Variants in RAPGEF4 observed in about 807,000 individuals in gnomAD.
RAPGEF4 encodes Rap guanine nucleotide exchange factor 4.
RAPGEF4 carries 66 observed loss-of-function variants against 147.9 expected under a neutral mutation model. The ratio of observed to expected loss-of-function variants is 0.45; its 90% confidence interval spans 0.37 to 0.55. The LOEUF (loss-of-function observed/expected upper bound fraction) is 0.55. Ranked by LOEUF, RAPGEF4 falls within the 20% of genes least tolerant of loss-of-function variation. RAPGEF4 has a pLI of 0.00. For missense variants in RAPGEF4, 1,071 were observed against 1,257.3 expected, an observed-to-expected ratio of 0.85 and a Z score of 2.24; for synonymous variants, 419 against 442.7, an observed-to-expected ratio of 0.95 and a Z score of 0.67.
intron 6 of RAPGEF4, among the ~76,000 whole-genome samples, chr2:172,933,591 A>C (rs982466167): frequency 6.6e-6 from 1 of 152,246 alleles, no homozygotes; most frequent in Admixed American, 6.5e-5. Flanking sequence ...TGCACTGAGT[A>C]GGACATGCCC....
intron 14 of RAPGEF4, among the ~76,000 whole-genome samples, chr2:172,989,749 G>C (rs1268257300): frequency 6.6e-6 from 1 of 152,080 alleles, no homozygotes; most frequent in African/African-American, 2.4e-5. Context: ...TTCTTTCTAG[G>C]GTCACACTGC....
At chr2:172,944,903 A>G (rs1033179966) in intron 6 of RAPGEF4, among the ~76,000 whole-genome samples, 9 of 152,114 alleles carry the variant, frequency 5.9e-5, no homozygotes, top group African/African-American at 2.2e-4. Flanking sequence ...TGAATAAAAA[A>G]ACTGTGACCT....
chr2:172,995,268 T>C (rs1693225812), intron 15 of RAPGEF4, among the ~76,000 whole-genome samples: 1 of 151,522 alleles, frequency 6.6e-6, no homozygotes, highest in South Asian at 2.1e-4. Context: ...TGTGTGTGTG[T>C]GTGTGTGTGT....
Position 172,864,008 on chromosome 2 carries a change from A to G in RAPGEF4, c.444+49583A>G, listed in dbSNP as rs143671858. 8.5e-5 allele frequency among the ~76,000 whole-genome samples: 13 copies of G among 152,358 alleles called. No homozygotes were observed. In the East Asian group the frequency reaches 2.5e-3, roughly 29 times the overall value. ...GAAAATATTTTGAATGCTAGTGTTC[A>G]GGGTTAACTACAAGATGATATGTAT... On this transcript the variant is annotated intron_variant, in intron 4 of 30. Coordinates refer to ENST00000397081, the MANE Select transcript of RAPGEF4 (RefSeq NM_007023.4).
chr2:172,837,030 A>G (rs17756834), intron 4 of RAPGEF4, among the ~76,000 whole-genome samples: 2,280 of 152,304 alleles, frequency 0.015, 19 homozygotes, highest in South Asian at 0.033. Flanking sequence ...AAGCTCCCTG[A>G]GGTATGTAAG....
intron 1 of RAPGEF4, among the ~76,000 whole-genome samples, chr2:172,759,358 T>G (rs1696080309): frequency 6.6e-6 from 1 of 151,984 alleles, no homozygotes; most frequent in South Asian, 2.1e-4. Context: ...AGAATGCAGG[T>G]AAGTGGGAAA....
At chr2:172,962,275 C>G (rs1362616315) in intron 8 of RAPGEF4, among the ~76,000 whole-genome samples, 1 of 152,170 alleles carries the variant, frequency 6.6e-6, no homozygotes, top group Non-Finnish European at 1.5e-5. Flanking sequence ...TAGACATGAC[C>G]TCAGAACCCA....
intron 4 of RAPGEF4, among the ~76,000 whole-genome samples, chr2:172,856,232 AT>A (rs1693402783): frequency 6.6e-6 from 1 of 152,006 alleles, no homozygotes; most frequent in South Asian, 2.1e-4. Context: ...TATTTTTCCA[AT>A]CTGTTATTGG....
intron 10 of RAPGEF4, among the ~76,000 whole-genome samples, chr2:172,969,833 G>A (rs1690265779): frequency 6.6e-6 from 1 of 152,160 alleles, no homozygotes; most frequent in Non-Finnish European, 1.5e-5. Context: ...CGCTGCTTGT[G>A]CTTCCTTTTA....
chr2:172,953,821 T>G (rs1688462589), intron 6 of RAPGEF4, among the ~76,000 whole-genome samples: 1 of 152,202 alleles, frequency 6.6e-6, no homozygotes, highest in South Asian at 2.1e-4. Context: ...TTACTTGCAC[T>G]TCTCTGCTAC....
intron 1 of RAPGEF4, among the ~76,000 whole-genome samples, chr2:172,757,089 C>G (rs1298915334): frequency 6.6e-6 from 1 of 152,224 alleles, no homozygotes; most frequent in Non-Finnish European, 1.5e-5. Context: ...GGAATGTGCT[C>G]TGTTTTGGAA....
intron 17 of RAPGEF4, among the ~76,000 whole-genome samples, chr2:173,011,640 A>G (rs1695035372): frequency 6.6e-6 from 1 of 152,080 alleles, no homozygotes; most frequent in Non-Finnish European, 1.5e-5. Flanking sequence ...TTTCAGATGA[A>G]TAGGACTGTG....
chr2:172,776,480 GA>G (rs1348101303), intron 1 of RAPGEF4, among the ~76,000 whole-genome samples: 1 of 152,058 alleles, frequency 6.6e-6, no homozygotes, highest in East Asian at 1.9e-4. Context: ...TTTTTAACTG[GA>G]AAATTTTCAT....
Position 173,051,887 on chromosome 2 carries a change from C to G in RAPGEF4, c.*120C>G. 8.5e-7 allele frequency: 1 copy of G among 1,179,608 alleles called. No homozygotes were observed. Among genetic ancestry groups the G allele is most frequent in the South Asian group, 1.5e-5 (1 of 66,276 alleles). 73.1% of individuals were successfully genotyped at this position (1,179,608 alleles called of 1,614,324 possible). ...TTCTACAAAACAAGCAAAAACACATCCTGAGACACCTCAGGGCTGCATTCA... is the reference window on the plus strand; with the variant it reads ...TTCTACAAAACAAGCAAAAACACATGCTGAGACACCTCAGGGCTGCATTCA... On this transcript the variant is annotated 3_prime_UTR_variant, in exon 31 of 31. Coordinates refer to ENST00000397081, the MANE Select transcript of RAPGEF4 (RefSeq NM_007023.4).
rs75493749 is a variant in RAPGEF4 at position 172,778,262 on chromosome 2, C to T, written c.66-16763C>T. Among the ~76,000 whole-genome samples, 93 of 152,206 alleles carry T rather than the reference C, an allele frequency of 6.1e-4. 3 individuals carry two copies. In the East Asian group the frequency reaches 0.014, roughly 23 times the overall value. ...TTCTGTTCTGTCTTGGGTTCTTTCC[C>T]GGAAGCCCCAGAATGCCTCTGTTAT... On this transcript the variant is annotated intron_variant, in intron 1 of 30. Coordinates refer to ENST00000397081, the MANE Select transcript of RAPGEF4 (RefSeq NM_007023.4).
intron 4 of RAPGEF4, among the ~76,000 whole-genome samples, chr2:172,844,009 G>A (rs1691899229): frequency 6.6e-6 from 1 of 152,190 alleles, no homozygotes; most frequent in African/African-American, 2.4e-5. Flanking sequence ...TCCTTTGAAG[G>A]CAGAAACAGT....
chr2:172,896,721 G>A (rs1016573838), intron 4 of RAPGEF4, among the ~76,000 whole-genome samples: 1 of 152,130 alleles, frequency 6.6e-6, no homozygotes, highest in Non-Finnish European at 1.5e-5. Context: ...TTGTGAAAAA[G>A]CAAAGCATAA....
At chr2:172,963,078 A>G (rs1689463574) in intron 8 of RAPGEF4, among the ~76,000 whole-genome samples, 1 of 152,108 alleles carries the variant, frequency 6.6e-6, no homozygotes, top group Non-Finnish European at 1.5e-5. Context: ...AGAGCAGGAG[A>G]GATAGAGAAG....
intron 4 of RAPGEF4, among the ~76,000 whole-genome samples, chr2:172,898,564 C>T (rs914865429): frequency 6.6e-6 from 1 of 152,168 alleles, no homozygotes; most frequent in African/African-American, 2.4e-5. Flanking sequence ...AGGCATTGGG[C>T]AGGTTGTCTA....
Sources: gnomAD v4.1 joint callset for allele counts (sites outside exome capture counted in the v4.1 genomes callset) on GRCh38, gnomAD v4.1.1 for gene constraint, MANE v1.5 for transcripts, NCBI Gene and HGNC (gene_info 2026-07-23, HGNC 2026-07-21) for gene names.